The following PMPCB variants were observed in gnomAD, a reference collection of about 807,000 sequenced individuals.
The protein encoded by PMPCB is peptidase, mitochondrial processing subunit beta.
Under a neutral mutation model 61.5 loss-of-function variants are expected in PMPCB, and 46 were observed. That is an observed-to-expected ratio of 0.75 (90% CI 0.59 to 0.96). PMPCB has a LOEUF of 0.96. PMPCB is among the 40% of genes least tolerant of loss of function. The pLI is 0.00. For synonymous variants in PMPCB, 191 were observed against 201.6 expected (o/e 0.95, Z 0.44); for missense variants, 590 against 602.4 (o/e 0.98, Z 0.22).
At chr7:103,344,541 G>C in the PMPCB span, 5 of 1,613,740 alleles carry the variant, frequency 3.1e-6, no homozygotes, top group Admixed American at 8.3e-5. Flanking sequence ...AAGGAACCGA[G>C]GTTGGGTGGG....
intron 4 of PMPCB, 129 bp from the exon 5 acceptor site, chr7:103,303,713 T>C (rs780912736): frequency 9.7e-6 from 6 of 621,532 alleles, no homozygotes; most frequent in Non-Finnish European, 1.4e-5. Flanking sequence ...ATCTGATGTT[T>C]TTCTCCTAGG....
In PMPCB at chr7:103,298,700, A is replaced by C; in HGVS notation, c.232A>C (p.Thr78Pro). 1 of 1,614,042 alleles carries C rather than the reference A, an allele frequency of 6.2e-7. No individual in the cohort carries two copies. The highest frequency in any genetic ancestry group is 8.5e-7 in the Non-Finnish European group (1 of 1,179,932). ...AGCTTCGGAAGACTCTGGGCTCTCA[A>C]CATGCACAGTAAGTGACTCAGGCAA... Reference protein sequence around the residue: ...RVASEDSGLSTCTVGLWIDAG... With the variant: ...RVASEDSGLSPCTVGLWIDAG... Residue 78 changes from threonine (T) to proline (P), a missense_variant, in exon 2 of 13, where the codon ACA becomes CCA. By Grantham distance (38) the Thr-to-Pro change is conservative. Coordinates refer to ENST00000249269, the MANE Select transcript of PMPCB (RefSeq NM_004279.3).
rs143346646 is a variant in PMPCB at position 103,325,889 on chromosome 7, GAGT to G, written c.*1432-3037_*1432-3035del. 7.5e-3 allele frequency among the ~76,000 whole-genome samples: 1,137 copies of G among 152,332 alleles called. 16 individuals carry two copies. Among genetic ancestry groups the G allele is most frequent in the African/African-American group, 0.026 (1,087 of 41,574 alleles). ...ATTTCTCAACTGACAATGAGTCAGA[GAGT>G]AGTATACCGATTGATAAAGAGGAAA... On this transcript the variant is annotated intron_variant and NMD_transcript_variant, in intron 12 of 12. Transcript: ENST00000444457.
downstream of PMPCB, among the ~76,000 whole-genome samples, chr7:103,331,189 C>T (rs1030710546): frequency 6.6e-6 from 1 of 152,136 alleles, no homozygotes; most frequent in Non-Finnish European, 1.5e-5. Context: ...AACTCCTGAC[C>T]TCAAGTGATC....
rs1818806990 is a variant in PMPCB, at chr7:103,328,178, T to C, written c.*1432-753T>C. 4.6e-5 allele frequency among the ~76,000 whole-genome samples: 7 copies of C among 151,326 alleles called. No homozygotes were observed. In the South Asian group the frequency reaches 1.3e-3, roughly 27 times the overall value. The stretch of plus-strand genomic sequence containing the variant: ...CTCAGGTGATCCACCCGCCTCGGCC[T>C]CCGAAAGTGCTGGGATTACAGGTGT... On this transcript the variant is annotated intron_variant and NMD_transcript_variant, in intron 12 of 12. Coordinates refer to the PMPCB transcript ENST00000444457.
At chr7:103,300,520 A>G (rs1817421038) in intron 4 of PMPCB, among the ~76,000 whole-genome samples, 1 of 152,218 alleles carries the variant, frequency 6.6e-6, no homozygotes, top group Non-Finnish European at 1.5e-5. Context: ...ATATGTAGCA[A>G]TAAAATAGAG....
the PMPCB span, chr7:103,344,787 C>T: frequency 1.5e-6 from 1 of 674,626 alleles, no homozygotes; most frequent in South Asian, 1.8e-5. Context: ...CGGGATGGAT[C>T]TTTCGTGGTG....
At chr7:103,334,865 CCT>C in the PMPCB span, among the ~76,000 whole-genome samples, 6 of 152,034 alleles carry the variant, frequency 3.9e-5, no homozygotes, top group African/African-American at 1.2e-4. Flanking sequence ...AGGCAGTTTC[CCT>C]CTGTCACCCA....
intron 12 of PMPCB, among the ~76,000 whole-genome samples, chr7:103,322,247 T>C (rs987104945): frequency 3.9e-5 from 6 of 152,166 alleles, no homozygotes; most frequent in Admixed American, 6.5e-5. Context: ...TAAAGATCTA[T>C]AAACATTTAT....
downstream of PMPCB, chr7:103,314,734 T>C (rs954415682): frequency 3.9e-6 from 3 of 760,214 alleles, no homozygotes; most frequent in African/African-American, 5.7e-5. Context: ...CTCCCCTATA[T>C]TAACACTGTA....
At chr7:103,298,122 C>T (rs1022882212) in intron 1 of PMPCB, among the ~76,000 whole-genome samples, 3 of 151,834 alleles carry the variant, frequency 2.0e-5, no homozygotes, top group Admixed American at 2.0e-4. Context: ...TTCCTATCCT[C>T]TCTCTCTTTT....
At chr7:103,326,683 AGCTG>A (rs1352503780) in intron 12 of PMPCB, 1 of 1,599,264 alleles carries the variant, frequency 6.3e-7, no homozygotes, top group Non-Finnish European at 8.5e-7. Flanking sequence ...ACATTTCATA[AGCTG>A]AGAAAAAAAT....
intron 12 of PMPCB, chr7:103,326,741 A>C (rs1392611466): frequency 1.9e-5 from 29 of 1,502,152 alleles, no homozygotes; most frequent in Non-Finnish European, 9.0e-7. Context: ...TTTTCCTGCA[A>C]GAAAACAAGT....
Position 103,312,433 on chromosome 7 carries a change from G to C in PMPCB, c.*162G>C, listed in dbSNP as rs1012477327. On this transcript the variant is annotated 3_prime_UTR_variant, in exon 13 of 13. Transcript: ENST00000249269. ...CCTCTGAAGGTTGTTTTGTATTAAT[G>C]GTCAGTCTTTGTTCTCTGAGAAATT... is the stretch of plus-strand genomic sequence containing the variant. The C allele has an allele frequency of 9.9e-6, 15 of 1,513,266 alleles. No homozygotes were observed. The highest frequency in any genetic ancestry group is 1.3e-5 in the Non-Finnish European group (15 of 1,140,222). The allele number at this position is 1,513,266 out of a possible 1,614,324, so 93.7% of individuals were successfully genotyped here.
chr7:103,342,232 G>A, the PMPCB span, among the ~76,000 whole-genome samples: 4 of 151,882 alleles, frequency 2.6e-5, no homozygotes, highest in Non-Finnish European at 4.4e-5. Flanking sequence ...TACTTTTTTG[G>A]GGATATGAGT....
chr7:103,311,622 C>G, intron 9 of PMPCB, 21 bp from the exon 10 acceptor site: 1 of 1,588,992 alleles, frequency 6.3e-7, no homozygotes, highest in Non-Finnish European at 8.6e-7. Context: ...CCAACTACTA[C>G]TGTTTTTCCA....
intron 2 of PMPCB, 72 bp from the exon 3 acceptor site, chr7:103,299,371 G>C: frequency 2.3e-6 from 2 of 860,212 alleles, no homozygotes; most frequent in Non-Finnish European, 3.7e-6. Flanking sequence ...GTCAGAAAAA[G>C]GAAGGAGACT....
chr7:103,329,952 T>C (rs1156532842), downstream of PMPCB, among the ~76,000 whole-genome samples: 2 of 152,172 alleles, frequency 1.3e-5, no homozygotes, highest in East Asian at 1.9e-4. Context: ...ACTCCCAAAA[T>C]AGCATAAAAA....
chr7:103,340,739 C>G, the PMPCB span, among the ~76,000 whole-genome samples: 1 of 152,198 alleles, frequency 6.6e-6, no homozygotes, highest in African/African-American at 2.4e-5. Context: ...ATACTTTTGT[C>G]CCTTGCTGTT....
Sources: allele counts gnomAD v4.1 joint callset (sites outside exome capture counted in the v4.1 genomes callset), GRCh38; gene constraint gnomAD v4.1.1; transcripts MANE v1.5; gene names NCBI Gene and HGNC (gene_info 2026-07-23, HGNC 2026-07-21).